KCNAB1: variants seen among roughly 807,000 people sequenced by gnomAD.
The protein encoded by KCNAB1 is voltage-gated potassium channel subunit beta-1.
KCNAB1 carries 35 observed loss-of-function variants against 64.6 expected under a neutral mutation model. The observed-to-expected ratio is 0.54, with a 90% CI of 0.41 to 0.72. The LOEUF is 0.72. Ranked by LOEUF, KCNAB1 falls within the 30% of genes least tolerant of loss-of-function variation. KCNAB1 has a pLI of 0.00. For synonymous variants in KCNAB1, 177 were observed against 183.8 expected, an observed-to-expected ratio of 0.96 and a Z score of 0.30; for missense variants, 401 against 512.9, an observed-to-expected ratio of 0.78 and a Z score of 2.11.
intron 2 of KCNAB1, among the ~76,000 whole-genome samples, chr3:156,433,937 C>A (rs976477491): frequency 1.3e-5 from 2 of 152,120 alleles, no homozygotes; most frequent in Admixed American, 1.3e-4. Context: ...AAAAAGAGAC[C>A]ATTACTATCA....
chr3:156,131,469 C>T (rs999037124), intron 1 of KCNAB1, among the ~76,000 whole-genome samples: 8 of 152,214 alleles, frequency 5.3e-5, no homozygotes, highest in Admixed American at 2.0e-4. Flanking sequence ...AGATATCTGG[C>T]TCTGGTTCCC....
At chr3:156,139,598 T>TTG (rs1348257665) in intron 1 of KCNAB1, among the ~76,000 whole-genome samples, 3 of 147,688 alleles carry the variant, frequency 2.0e-5, no homozygotes, top group Non-Finnish European at 3.0e-5. Flanking sequence ...TTTTTTTTTT[T>TTG]TTTTTTTTTT....
At chr3:156,394,608 G>C (rs1257573538) in intron 1 of KCNAB1, among the ~76,000 whole-genome samples, 21 of 152,084 alleles carry the variant, frequency 1.4e-4, no homozygotes, top group Admixed American at 1.4e-3. Flanking sequence ...AAAAAAGAAT[G>C]TTTGAGGCCA....
At chr3:156,285,346 T>C (rs998602126) in intron 1 of KCNAB1, among the ~76,000 whole-genome samples, 2 of 152,166 alleles carry the variant, frequency 1.3e-5, no homozygotes, top group African/African-American at 4.8e-5. Flanking sequence ...ATTATACTAA[T>C]GACTAATAAT....
chr3:156,336,408 T>C (rs1173220539), intron 1 of KCNAB1, among the ~76,000 whole-genome samples: 1 of 152,146 alleles, frequency 6.6e-6, no homozygotes, highest in Non-Finnish European at 1.5e-5. Context: ...CTTTTAACCA[T>C]ATGGCTGTTA....
intron 1 of KCNAB1, among the ~76,000 whole-genome samples, chr3:156,368,664 ATT>A (rs1363324461): frequency 8.5e-5 from 13 of 152,316 alleles, no homozygotes; most frequent in Non-Finnish European, 1.9e-4. Context: ...CAACTCTGAC[ATT>A]TATTAATAAG....
At chr3:156,342,706 G>A (rs1010631409) in intron 1 of KCNAB1, among the ~76,000 whole-genome samples, 33 of 148,324 alleles carry the variant, frequency 2.2e-4, no homozygotes, top group African/African-American at 5.5e-4. Flanking sequence ...GGTGCGCTGC[G>A]CCCACTAACG....
chr3:156,392,037 T>G lies in KCNAB1; in HGVS notation c.276-29579T>G, dbSNP rs146070107. ...CTTGGTATAAAGCATGATTTCTCAT[T>G]CGGGCCCCACTCACAGACACCTCCT... On this transcript the variant is annotated intron_variant, in intron 1 of 13. Coordinates refer to ENST00000490337, the MANE Select transcript of KCNAB1 (RefSeq NM_172160.3). Among the ~76,000 whole-genome samples, 505 of 152,284 alleles carry G rather than the reference T, an allele frequency of 3.3e-3. 1 individual carries two copies. The highest frequency in any genetic ancestry group is 5.6e-3 in the Non-Finnish European group (379 of 68,016).
intron 1 of KCNAB1, among the ~76,000 whole-genome samples, chr3:156,170,552 T>C (rs1278000750): frequency 3.3e-5 from 5 of 152,224 alleles, no homozygotes; most frequent in Non-Finnish European, 1.5e-5. Context: ...AGCTATTTGT[T>C]GTTTGGAAAT....
At chr3:156,118,852 T>C (rs1227321199), upstream of KCNAB1, among the ~76,000 whole-genome samples, 1 of 152,226 alleles carries the variant, frequency 6.6e-6, no homozygotes, top group African/African-American at 2.4e-5. Flanking sequence ...TCGGGGAGTC[T>C]AGTTGCTATG....
At chr3:156,237,585 GT>G (rs1409898245) in intron 1 of KCNAB1, among the ~76,000 whole-genome samples, 2 of 152,176 alleles carry the variant, frequency 1.3e-5, no homozygotes, top group African/African-American at 2.4e-5. Flanking sequence ...GGGATTGGAA[GT>G]TTTTTGCATC....
At chr3:156,330,828 C>T (rs564864058) in intron 1 of KCNAB1, among the ~76,000 whole-genome samples, 176 of 152,256 alleles carry the variant, frequency 1.2e-3, no homozygotes, top group African/African-American at 4.0e-3. Flanking sequence ...TCCCAGGGCA[C>T]GCTGCATGGC....
chr3:156,273,037 C>T (rs1394962391), intron 1 of KCNAB1, among the ~76,000 whole-genome samples: 1 of 152,010 alleles, frequency 6.6e-6, no homozygotes, highest in Non-Finnish European at 1.5e-5. Flanking sequence ...GGGCCTTGCA[C>T]CTCTGCCTGC....
rs1719202977 is a variant in KCNAB1, at chr3:156,538,278, A to AGAACT, written c.*1533_*1537dup. ...CAGAAATCACTCTGAGGTTTACAGA[A>AGAACT]GAACTGTAATATTATTTTAAAATGC... On this transcript the variant is annotated 3_prime_UTR_variant, in exon 14 of 14. Coordinates refer to ENST00000490337, the MANE Select transcript of KCNAB1 (RefSeq NM_172160.3). 1 of 136,988 alleles carries AGAACT rather than the reference A, an allele frequency of 7.3e-6. No homozygotes were observed. Among genetic ancestry groups the AGAACT allele is most frequent in the African/African-American group, 2.8e-5 (1 of 35,738 alleles). The allele number at this position is 136,988 out of a possible 1,614,324, so 8.5% of individuals were successfully genotyped here. A position where few individuals can be genotyped will look rare whatever the true frequency, so the allele number is the denominator to read the frequency against.
intron 1 of KCNAB1, chr3:156,291,429 G>T: frequency 9.9e-7 from 1 of 1,008,122 alleles, no homozygotes; most frequent in Non-Finnish European, 1.2e-6. Flanking sequence ...TGGTCCAGGG[G>T]ATGCTGGCGG....
intron 1 of KCNAB1, among the ~76,000 whole-genome samples, chr3:156,395,907 T>C (rs780384249): frequency 3.3e-4 from 51 of 152,348 alleles, no homozygotes; most frequent in Non-Finnish European, 6.3e-4. Context: ...TCATACGTTG[T>C]TACCGTGTGT....
At chr3:156,446,870 T>C (rs1445660753) in intron 2 of KCNAB1, 2 of 152,272 alleles carry the variant, frequency 1.3e-5, no homozygotes, top group African/African-American at 4.8e-5. Context: ...AGCAGAGTGT[T>C]CCTTTTAAAA....
At chr3:156,480,823 G>T (rs373608726) in intron 8 of KCNAB1, among the ~76,000 whole-genome samples, 1 of 152,050 alleles carries the variant, frequency 6.6e-6, no homozygotes, top group Non-Finnish European at 1.5e-5. Flanking sequence ...ACTTGACCAC[G>T]CAGGCTTATA....
At chr3:156,137,629 C>G (rs4679760) in intron 1 of KCNAB1, among the ~76,000 whole-genome samples, 86,686 of 150,316 alleles carry the variant, frequency 0.58, 25,606 homozygotes, top group Admixed American at 0.72. Context: ...CCACAACCCC[C>G]GCCCCCACCA....
Sources: gnomAD v4.1 joint callset for allele counts (sites outside exome capture counted in the v4.1 genomes callset) on GRCh38, gnomAD v4.1.1 for gene constraint, MANE v1.5 for transcripts, NCBI Gene and HGNC (gene_info 2026-07-23, HGNC 2026-07-21) for gene names.